TMTC2: variants seen among roughly 807,000 people sequenced by gnomAD.
The protein encoded by TMTC2 is transmembrane O-mannosyltransferase targeting cadherins 2.
In TMTC2, 43 loss-of-function variants were observed where a neutral mutation model predicts 82.4. That is an observed-to-expected ratio of 0.52 (90% CI 0.41 to 0.67). The LOEUF (loss-of-function observed/expected upper bound fraction) is 0.67, where lower values mean the gene tolerates loss of function less well. Among genes scored for constraint, TMTC2 ranks in the 30% least tolerant of loss-of-function variants. TMTC2 has a pLI of 0.00. For missense variants in TMTC2, 919 were observed against 1,012.4 expected, an observed-to-expected ratio of 0.91 and a Z score of 1.25; for synonymous variants, 408 against 381.9, an observed-to-expected ratio of 1.07 and a Z score of -0.80.
In TMTC2 at chr12:82,728,517, TC is replaced by T. The variant is rs1465100542; in HGVS notation, c.83+40850del. Among the ~76,000 whole-genome samples, 4 of 152,074 alleles carry T rather than the reference TC, an allele frequency of 2.6e-5. No homozygotes were observed. The East Asian group carries it at 7.8e-4, about 30-fold the overall frequency. ...GGGCAGATCACCTGAGGTCAGGAGT[TC>T]CAGACCAGCCGGGCCAACATGGTGA... On this transcript the variant is annotated intron_variant, in intron 1 of 11. Coordinates refer to ENST00000321196, the MANE Select transcript of TMTC2 (RefSeq NM_152588.3).
At chr12:82,978,097 T>C (rs1878761296) in intron 7 of TMTC2, among the ~76,000 whole-genome samples, 1 of 151,806 alleles carries the variant, frequency 6.6e-6, no homozygotes, top group South Asian at 2.1e-4. Context: ...TCAGACTTTC[T>C]TCAATGAACA....
chr12:82,925,730 G>A (rs1029058546), intron 3 of TMTC2, among the ~76,000 whole-genome samples: 3 of 152,156 alleles, frequency 2.0e-5, no homozygotes, highest in African/African-American at 7.2e-5. Flanking sequence ...AACAGATGTT[G>A]CGCATGTTCT....
chr12:83,096,706 C>G (rs193228127), intron 11 of TMTC2, among the ~76,000 whole-genome samples: 1 of 152,274 alleles, frequency 6.6e-6, no homozygotes, highest in Admixed American at 6.5e-5. Flanking sequence ...ACCCCTCCCA[C>G]AACACAAGGG....
Position 82,997,346 on chromosome 12 carries a change from GTGTATATATA to G in TMTC2, c.2070+11302_2070+11311del, listed in dbSNP as rs1879684473. On this transcript the variant is annotated intron_variant, in intron 8 of 11. Transcript: ENST00000321196. ...TGTCTGTGTGTGTGTGTGTGTGTGTGTGTATATATATATATATATGTGTATATATATATAT... is the reference window on the plus strand; with the variant it reads ...TGTCTGTGTGTGTGTGTGTGTGTGTGTATATATATGTGTATATATATATAT... Among the ~76,000 whole-genome samples, 34 of 29,196 alleles carry G rather than the reference GTGTATATATA, an allele frequency of 1.2e-3. 1 individual carries two copies. The highest frequency in any genetic ancestry group is 0.022 in the Middle Eastern group (1 of 46). The allele number at this position is 29,196 out of a possible 152,430, so 19.2% of individuals were successfully genotyped here.
intron 1 of TMTC2, among the ~76,000 whole-genome samples, chr12:82,844,060 C>A (rs76583983): frequency 1.3e-5 from 2 of 152,188 alleles, no homozygotes; most frequent in African/African-American, 4.8e-5. Context: ...TTTCCACTCC[C>A]AAGACTTCGT....
At chr12:82,944,282 C>A (rs888855210) in intron 4 of TMTC2, among the ~76,000 whole-genome samples, 2 of 151,620 alleles carry the variant, frequency 1.3e-5, no homozygotes, top group Non-Finnish European at 2.9e-5. Flanking sequence ...TTAAGGAGAT[C>A]GATAGAAAAA....
intron 3 of TMTC2, among the ~76,000 whole-genome samples, chr12:82,913,615 G>C (rs1240523099): frequency 6.6e-6 from 1 of 151,996 alleles, no homozygotes; most frequent in Non-Finnish European, 1.5e-5. Flanking sequence ...ATTAATCACT[G>C]GTTTTGACAT....
chr12:82,829,229 A>C (rs1869616611), intron 1 of TMTC2, among the ~76,000 whole-genome samples: 1 of 152,202 alleles, frequency 6.6e-6, no homozygotes, highest in Non-Finnish European at 1.5e-5. Context: ...TCCTCACAAA[A>C]ATTTATAATT....
intron 2 of TMTC2, among the ~76,000 whole-genome samples, chr12:82,873,444 A>G (rs1240536611): frequency 6.6e-6 from 1 of 152,080 alleles, no homozygotes; most frequent in Non-Finnish European, 1.5e-5. Context: ...GGGGTTGTGT[A>G]TGGGTCAGTA....
Position 82,890,242 on chromosome 12 carries a change from T to C in TMTC2, c.655-5576T>C, listed in dbSNP as rs540860016. 9.9e-5 allele frequency among the ~76,000 whole-genome samples: 15 copies of C among 152,096 alleles called. No individual in the cohort carries two copies. The South Asian group carries it at 2.9e-3, about 29-fold the overall frequency. Reference sequence around the variant, plus strand: ...TTCTCTGAATTTCCTGGCTATATTATTAATTCATTTTTTTTTCTGTTGGGT... The same window carrying C: ...TTCTCTGAATTTCCTGGCTATATTACTAATTCATTTTTTTTTCTGTTGGGT... On this transcript the variant is annotated intron_variant, in intron 2 of 11. Coordinates refer to ENST00000321196, the MANE Select transcript of TMTC2 (RefSeq NM_152588.3).
At chr12:82,731,091 A>G (rs1874784126) in intron 1 of TMTC2, among the ~76,000 whole-genome samples, 1 of 152,258 alleles carries the variant, frequency 6.6e-6, no homozygotes, top group South Asian at 2.1e-4. Flanking sequence ...ATCAAGTGCT[A>G]GACTTATCGG....
At chr12:82,720,559 T>C (rs1446672566) in intron 1 of TMTC2, among the ~76,000 whole-genome samples, 1 of 152,220 alleles carries the variant, frequency 6.6e-6, no homozygotes, top group Non-Finnish European at 1.5e-5. Flanking sequence ...TTTTACAAGT[T>C]TTTCCTTGAA....
At chr12:82,729,477 G>A (rs1387683747) in intron 1 of TMTC2, among the ~76,000 whole-genome samples, 1 of 152,174 alleles carries the variant, frequency 6.6e-6, no homozygotes, top group Non-Finnish European at 1.5e-5. Context: ...GTTTGTGAAT[G>A]CACCAATCGA....
chr12:82,894,668 T>TTTTTAGATTTTTA (rs1291168443), intron 2 of TMTC2, among the ~76,000 whole-genome samples: 1 of 152,188 alleles, frequency 6.6e-6, no homozygotes, highest in Non-Finnish European at 1.5e-5. Flanking sequence ...GATTTTTAGA[T>TTTTTAGATTTTTA]GTCACCTAAG....
At chr12:82,941,833 C>T (rs749402901) in intron 4 of TMTC2, among the ~76,000 whole-genome samples, 1 of 152,168 alleles carries the variant, frequency 6.6e-6, no homozygotes, top group South Asian at 2.1e-4. Flanking sequence ...GATCTTGGCT[C>T]ACTGCAACCT....
At chr12:82,796,786 G>T (rs1021182131) in intron 1 of TMTC2, among the ~76,000 whole-genome samples, 1 of 152,044 alleles carries the variant, frequency 6.6e-6, no homozygotes, top group Non-Finnish European at 1.5e-5. Context: ...GAGTCTGACT[G>T]GGATGTAAGT....
intron 1 of TMTC2, among the ~76,000 whole-genome samples, chr12:82,806,828 G>A (rs1442923286): frequency 6.6e-6 from 1 of 152,072 alleles, no homozygotes; most frequent in Non-Finnish European, 1.5e-5. Context: ...GTCTTGCTGT[G>A]TTAGATGGCA....
intron 3 of TMTC2, among the ~76,000 whole-genome samples, chr12:82,903,578 A>T (rs1874140331): frequency 6.6e-6 from 1 of 151,568 alleles, no homozygotes; most frequent in African/African-American, 2.4e-5. Context: ...CGCCCAGCTA[A>T]TTTTTTTTGT....
intron 1 of TMTC2, among the ~76,000 whole-genome samples, chr12:82,837,738 G>C (rs1037875344): frequency 6.6e-6 from 1 of 152,144 alleles, no homozygotes; most frequent in African/African-American, 2.4e-5. Context: ...ATCAGTAGCT[G>C]CCAAAGAAAT....
Sources: allele counts gnomAD v4.1 joint callset (sites outside exome capture counted in the v4.1 genomes callset), GRCh38; gene constraint gnomAD v4.1.1; transcripts MANE v1.5; gene names NCBI Gene and HGNC (gene_info 2026-07-23, HGNC 2026-07-21).